NEGR1: variants seen among roughly 807,000 people sequenced by gnomAD.
NEGR1 encodes the protein IgLON family member 4.
NEGR1 carries 10 observed loss-of-function variants against 40.9 expected under a neutral mutation model. The observed-to-expected ratio is 0.24, with a 90% CI of 0.15 to 0.42. The LOEUF is 0.42. Ranked by LOEUF, NEGR1 falls within the 10% of genes least tolerant of loss-of-function variation. The pLI is 1.00. For synonymous variants in NEGR1, 185 were observed against 166.8 expected (o/e 1.11, Z -0.84); for missense variants, 352 against 438.9 (o/e 0.80, Z 1.77).
chr1:71,397,008 A>G lies in NEGR1; in HGVS notation c.*10438T>C, dbSNP rs1646216819. On this transcript the variant is annotated 3_prime_UTR_variant, in exon 7 of 7. Transcript: ENST00000357731. ...AATAGTTTGGAGGGCTCAGAAGAAG[A>G]CAGGAAAATGTGGGAAAGTTTGGAA... The G allele has an allele frequency of 6.5e-6, 1 of 154,130 alleles. No individual in the cohort carries two copies. The highest frequency in any genetic ancestry group is 2.0e-4 in the South Asian group (1 of 4,900). The allele number at this position is 154,130 out of a possible 1,614,324, so 9.5% of individuals were successfully genotyped here.
chr1:71,951,851 A>G (rs1339542112), intron 1 of NEGR1, among the ~76,000 whole-genome samples: 1 of 151,880 alleles, frequency 6.6e-6, no homozygotes, highest in Admixed American at 6.6e-5. Flanking sequence ...CAATATTTCA[A>G]ATTTTTCATT....
intron 1 of NEGR1, among the ~76,000 whole-genome samples, chr1:71,977,524 G>C (rs1646316233): frequency 6.6e-6 from 1 of 151,934 alleles, no homozygotes. Flanking sequence ...TGATTTTTTA[G>C]ATGACCACTT....
At chr1:72,037,208 T>C (rs959283895) in intron 1 of NEGR1, among the ~76,000 whole-genome samples, 25 of 152,140 alleles carry the variant, frequency 1.6e-4, no homozygotes, top group Non-Finnish European at 2.8e-4. Context: ...GTACTATAGA[T>C]TTCAAAGAGA....
At chr1:72,098,598 C>G (rs75749325) in intron 1 of NEGR1, among the ~76,000 whole-genome samples, 1 of 152,124 alleles carries the variant, frequency 6.6e-6, no homozygotes, top group Non-Finnish European at 1.5e-5. Context: ...GCAAGACCTA[C>G]GTTAAAATCA....
rs143500606 is a variant in NEGR1 at position 71,998,908 on chromosome 1, A to T, written c.177-63597T>A. ...TAGATACTGTATATAATACACACAC[A>T]CTTGGGATTATAAATTTAGGTACAT... On this transcript the variant is annotated intron_variant, in intron 1 of 6. Transcript: ENST00000357731. 9.1e-3 allele frequency among the ~76,000 whole-genome samples: 1,380 copies of T among 151,902 alleles called. 17 individuals carry two copies. The highest frequency in any genetic ancestry group is 0.013 in the Non-Finnish European group (884 of 67,810).
chr1:71,461,541 T>G (rs1646714598), intron 6 of NEGR1: 1 of 152,178 alleles, frequency 6.6e-6, no homozygotes, highest in Non-Finnish European at 1.5e-5. Context: ...TCTAATAAGT[T>G]CTCTTGGTAT....
intron 1 of NEGR1, among the ~76,000 whole-genome samples, chr1:71,948,054 A>T (rs1271641873): frequency 1.3e-5 from 2 of 152,174 alleles, no homozygotes; most frequent in African/African-American, 4.8e-5. Context: ...TGCCCCAAAG[A>T]CAATCTTTCT....
chr1:72,059,283 G>A (rs1022574902), intron 1 of NEGR1, among the ~76,000 whole-genome samples: 4 of 151,130 alleles, frequency 2.6e-5, no homozygotes, highest in African/African-American at 9.8e-5. Context: ...ACAAAGTTCT[G>A]TGTGTAATCC....
chr1:71,533,705 T>A (rs902701228), intron 6 of NEGR1, among the ~76,000 whole-genome samples: 2 of 151,716 alleles, frequency 1.3e-5, no homozygotes, highest in African/African-American at 4.8e-5. Context: ...TATAGTTGTA[T>A]TTAAGATTTC....
intron 1 of NEGR1, among the ~76,000 whole-genome samples, chr1:72,093,383 T>C (rs1383327979): frequency 6.7e-6 from 1 of 149,218 alleles, no homozygotes; most frequent in African/African-American, 2.5e-5. Context: ...AAAATTTTAG[T>C]TATTAAACTA....
chr1:71,664,926 A>T (rs566620606), intron 4 of NEGR1, among the ~76,000 whole-genome samples: 1 of 152,174 alleles, frequency 6.6e-6, no homozygotes, highest in African/African-American at 2.4e-5. Flanking sequence ...GAAGGTATAA[A>T]CATACATTTT....
At chr1:71,774,514 G>C (rs746358539) in intron 3 of NEGR1, among the ~76,000 whole-genome samples, 57 of 152,182 alleles carry the variant, frequency 3.7e-4, no homozygotes, top group Admixed American at 2.2e-3. Flanking sequence ...AGATTGATTA[G>C]ACACACTGCA....
At chr1:71,578,071 C>T (rs148325354) in intron 6 of NEGR1, among the ~76,000 whole-genome samples, 115 of 152,202 alleles carry the variant, frequency 7.6e-4, no homozygotes, top group East Asian at 3.3e-3. Context: ...ATAAAGGCTG[C>T]GATACTTCTT....
At chr1:71,552,824 A>C (rs13375945) in intron 6 of NEGR1, among the ~76,000 whole-genome samples, 7,012 of 151,464 alleles carry the variant, frequency 0.046, 556 homozygotes, top group African/African-American at 0.16. Context: ...AAGTAGGCAA[A>C]AGTATAATTT....
chr1:71,491,997 C>T (rs1202108636), intron 6 of NEGR1, among the ~76,000 whole-genome samples: 1 of 152,050 alleles, frequency 6.6e-6, no homozygotes, highest in East Asian at 1.9e-4. Context: ...ATAAAAGAGG[C>T]ATCACAGACC....
At chr1:71,500,506 T>C (rs779043154) in intron 6 of NEGR1, among the ~76,000 whole-genome samples, 14 of 152,098 alleles carry the variant, frequency 9.2e-5, no homozygotes, top group Non-Finnish European at 2.1e-4. Flanking sequence ...CGATCTTCTT[T>C]GCCTGTGTAA....
intron 1 of NEGR1, among the ~76,000 whole-genome samples, chr1:72,206,822 T>C (rs1653418917): frequency 6.6e-6 from 1 of 151,958 alleles, no homozygotes; most frequent in African/African-American, 2.4e-5. Context: ...TAAAGATGGG[T>C]ATTTGAGGAT....
At chr1:72,070,092 TA>T (rs1553136505) in intron 1 of NEGR1, among the ~76,000 whole-genome samples, 4 of 152,042 alleles carry the variant, frequency 2.6e-5, no homozygotes, top group Non-Finnish European at 5.9e-5. Flanking sequence ...AAGACTTTTT[TA>T]AAAAATTAAT....
At chr1:71,708,565 CAA>C (rs1653978619) in intron 3 of NEGR1, among the ~76,000 whole-genome samples, 1 of 151,704 alleles carries the variant, frequency 6.6e-6, no homozygotes, top group African/African-American at 2.4e-5. Context: ...TGGAAGGAAA[CAA>C]ATTACCTGAC....
Sources: allele counts gnomAD v4.1 joint callset (sites outside exome capture counted in the v4.1 genomes callset), GRCh38; gene constraint gnomAD v4.1.1; transcripts MANE v1.5; gene names NCBI Gene and HGNC (gene_info 2026-07-23, HGNC 2026-07-21).